Variants in NRCAM observed in about 807,000 individuals in gnomAD.
NRCAM encodes the protein NgCAM-related cell adhesion molecule.
NRCAM carries 83 observed loss-of-function variants against 156.5 expected under a neutral mutation model. The ratio of observed to expected loss-of-function variants is 0.53; its 90% CI spans 0.44 to 0.64. NRCAM has a LOEUF of 0.64. NRCAM is among the 30% of genes least tolerant of loss of function. The pLI, the probability that NRCAM is intolerant of heterozygous loss-of-function variation, is 0.00. For missense variants in NRCAM, 1,417 were observed against 1,597.3 expected (o/e 0.89, Z 1.92); for synonymous variants, 538 against 563.9 (o/e 0.95, Z 0.65).
chr7:108,386,791 C>T (rs888309653), intron 2 of NRCAM, among the ~76,000 whole-genome samples: 6 of 152,090 alleles, frequency 3.9e-5, no homozygotes, highest in Non-Finnish European at 8.8e-5. Flanking sequence ...TGATTATTTT[C>T]TTTCATTTGC....
At chr7:108,303,946 G>A (rs2098674983) in intron 3 of NRCAM, among the ~76,000 whole-genome samples, 2 of 152,002 alleles carry the variant, frequency 1.3e-5, no homozygotes, top group Admixed American at 1.3e-4. Context: ...TTACTGTGCT[G>A]TATACACTCC....
intron 2 of NRCAM, among the ~76,000 whole-genome samples, chr7:108,341,276 AGAGCCCCG>A (rs899215540): frequency 6.6e-6 from 1 of 152,328 alleles, no homozygotes; most frequent in African/African-American, 2.4e-5. Flanking sequence ...TCACCCTCAC[AGAGCCCCG>A]GGTATGCTTG....
intron 1 of NRCAM, among the ~76,000 whole-genome samples, chr7:108,449,486 C>A (rs1434478843): frequency 6.6e-6 from 1 of 152,186 alleles, no homozygotes; most frequent in Non-Finnish European, 1.5e-5. Flanking sequence ...TGAAAAGGCA[C>A]ACCAGGTTTT....
In NRCAM at chr7:108,189,694, A is replaced by C; in HGVS notation, c.1986T>G (p.Ser662Arg). 6.4e-7 allele frequency: 1 copy of C among 1,564,284 alleles called. No homozygotes were observed. Among genetic ancestry groups the C allele is most frequent in the South Asian group, 1.1e-5 (1 of 88,902 alleles). The change falls in exon 20 of 33, where the codon AGT becomes AGG. Residue 662 changes from serine (S) to arginine (R), a missense_variant. Ser to Arg is a moderately radical substitution (Grantham distance 110). Around this residue, in one of 2 missense-constraint regions of NRCAM, gnomAD observed 1,238 missense variants for 1,336.4 expected, o/e 0.93. Coordinates refer to ENST00000379028, the MANE Select transcript of NRCAM (RefSeq NM_001037132.4). ...CGCCTGGGGTCCATGACAGCTGAAC[A>C]CTTTTGTCAAGTTGATCTGTCAGTT... ...DLELTDQLDK[S>R]VQLSWTPGDD...
At chr7:108,310,553 A>G (rs2098789444) in intron 3 of NRCAM, among the ~76,000 whole-genome samples, 1 of 152,212 alleles carries the variant, frequency 6.6e-6, no homozygotes, top group African/African-American at 2.4e-5. Flanking sequence ...TTTTCTGAAC[A>G]TCACAGCATG....
intron 1 of NRCAM, among the ~76,000 whole-genome samples, chr7:108,410,828 T>C (rs1209752182): frequency 6.6e-6 from 1 of 152,168 alleles, no homozygotes; most frequent in Admixed American, 6.5e-5. Flanking sequence ...TCTATACTAG[T>C]TCTATCTTGG....
chr7:108,240,008 CA>C lies in NRCAM; in HGVS notation c.56del (p.Leu19ArgfsTer8). ...TAATCATCTGGCACAGGAAGAGAAT[CA>C]GGGGCACTCTGCCCGCAGATAAGCG... ...KKRLSAGRVP[L>X]ILFLCQMISA... On this transcript the variant is annotated frameshift_variant, in exon 4 of 33. Transcript: ENST00000379028. LOFTEE classifies it high-confidence loss of function. The C allele has an allele frequency of 6.2e-7, 1 of 1,613,394 alleles. No individual in the cohort carries two copies. The highest frequency in any genetic ancestry group is 8.5e-7 in the Non-Finnish European group (1 of 1,179,492).
intron 13 of NRCAM, among the ~76,000 whole-genome samples, chr7:108,201,858 C>A (rs531457281): frequency 1.9e-4 from 29 of 152,218 alleles, no homozygotes; most frequent in Non-Finnish European, 3.7e-4. Flanking sequence ...AAAATAAACC[C>A]TTTAGGTAAT....
At position 108,209,464 on chromosome 7, in the gene NRCAM, G is replaced by GT; in HGVS notation, c.1031dup (p.Asn344LysfsTer13). 6.2e-7 allele frequency: 1 copy of GT among 1,608,262 alleles called. No homozygotes were observed. Among genetic ancestry groups the GT allele is most frequent in the Non-Finnish European group, 8.5e-7 (1 of 1,177,352 alleles). On this transcript the variant is annotated frameshift_variant, in exon 12 of 33. Coordinates refer to ENST00000379028, the MANE Select transcript of NRCAM (RefSeq NM_001037132.4). LOFTEE classifies it high-confidence loss of function. ...TGGTATGGTGGATGGCTCCTAATGCGTTTTTTGCTATACATTGGTAATTTC... is the reference window on the plus strand; with the variant it reads ...TGGTATGGTGGATGGCTCCTAATGCGTTTTTTTGCTATACATTGGTAATTTC...
chr7:108,391,933 C>T (rs1356830486), intron 2 of NRCAM, among the ~76,000 whole-genome samples: 14 of 152,132 alleles, frequency 9.2e-5, no homozygotes, highest in South Asian at 2.1e-4. Context: ...GAGTTTCTGC[C>T]GAGAGATCCG....
intron 12 of NRCAM, among the ~76,000 whole-genome samples, chr7:108,208,786 G>A (rs2082475353): frequency 6.6e-6 from 1 of 152,142 alleles, no homozygotes. Flanking sequence ...TATCCCAAAG[G>A]TAATGAACCC....
intron 2 of NRCAM, among the ~76,000 whole-genome samples, chr7:108,322,893 C>A (rs1174834784): frequency 6.6e-6 from 1 of 152,112 alleles, no homozygotes; most frequent in African/African-American, 2.4e-5. Context: ...ACAAATAAAG[C>A]AATCAAATTA....
intron 3 of NRCAM, among the ~76,000 whole-genome samples, chr7:108,278,767 C>G (rs2097747565): frequency 6.6e-6 from 1 of 152,264 alleles, no homozygotes; most frequent in African/African-American, 2.4e-5. Context: ...GCTGCACCCA[C>G]TGTCCAACCA....
chr7:108,269,825 T>TA (rs1245516852), intron 3 of NRCAM, among the ~76,000 whole-genome samples: 1 of 152,224 alleles, frequency 6.6e-6, no homozygotes, highest in African/African-American at 2.4e-5. Context: ...TTTCATCCTG[T>TA]AGCTACAGGA....
intron 3 of NRCAM, among the ~76,000 whole-genome samples, chr7:108,301,546 C>T (rs1188285311): frequency 1.3e-5 from 2 of 152,146 alleles, no homozygotes; most frequent in Non-Finnish European, 2.9e-5. Context: ...TGACCTCTGA[C>T]CATCCCATCT....
At chr7:108,211,578 C>T (rs938815588) in intron 11 of NRCAM, among the ~76,000 whole-genome samples, 11 of 152,080 alleles carry the variant, frequency 7.2e-5, no homozygotes, top group Non-Finnish European at 8.8e-5. Flanking sequence ...TTTTGGTTTG[C>T]GTGGGAGCTG....
At chr7:108,246,297 G>C (rs1398378861) in intron 3 of NRCAM, among the ~76,000 whole-genome samples, 1 of 151,950 alleles carries the variant, frequency 6.6e-6, no homozygotes, top group African/African-American at 2.4e-5. Flanking sequence ...AATCAGGGTG[G>C]GTGTTCAGCC....
chr7:108,430,862 C>T (rs1056817818), intron 1 of NRCAM, among the ~76,000 whole-genome samples: 8 of 152,134 alleles, frequency 5.3e-5, no homozygotes, highest in African/African-American at 1.9e-4. Flanking sequence ...TGTTCTTCAA[C>T]AGCGTTTGGT....
intron 1 of NRCAM, among the ~76,000 whole-genome samples, chr7:108,425,991 G>T (rs1000878907): frequency 2.0e-5 from 3 of 152,150 alleles, no homozygotes; most frequent in Admixed American, 6.5e-5. Flanking sequence ...TTATGAGAAA[G>T]GAATTTTTTT....
Sources: allele counts gnomAD v4.1 joint callset (sites outside exome capture counted in the v4.1 genomes callset), GRCh38; gene constraint gnomAD v4.1.1; regional missense constraint gnomAD v4.1.1; transcripts MANE v1.5; gene names NCBI Gene and HGNC (gene_info 2026-07-23, HGNC 2026-07-21).